The following SLC4A5 variants were observed in gnomAD, a reference collection of about 807,000 sequenced individuals.
The protein encoded by SLC4A5 is electrogenic sodium bicarbonate cotransporter 4.
SLC4A5 carries 96 observed loss-of-function variants against 120.4 expected under a neutral mutation model. That is an observed-to-expected ratio of 0.80 (90% CI 0.68 to 0.94). The LOEUF (loss-of-function observed/expected upper bound fraction) is 0.94. Ranked by LOEUF, SLC4A5 falls within the 40% of genes least tolerant of loss-of-function variation. The pLI is 0.00. For missense variants in SLC4A5, 1,259 were observed against 1,459.5 expected (o/e 0.86, Z 2.24); for synonymous variants, 550 against 571.1 (o/e 0.96, Z 0.53).
chr2:74,225,780 C>T (rs1004129141), intron 27 of SLC4A5, among the ~76,000 whole-genome samples: 3 of 152,298 alleles, frequency 2.0e-5, no homozygotes, highest in South Asian at 2.1e-4. Context: ...CATAGACCCA[C>T]ACATTGAATT....
At chr2:74,233,025 G>A (rs1386654905) in intron 23 of SLC4A5, among the ~76,000 whole-genome samples, 1 of 152,186 alleles carries the variant, frequency 6.6e-6, no homozygotes, top group African/African-American at 2.4e-5. Context: ...GTCTTCTCAG[G>A]CTCACAGGCT....
At position 74,267,524 on chromosome 2, in the gene SLC4A5, T is replaced by C. The variant is rs116304161; in HGVS notation, c.402-2260A>G. 3.7e-3 allele frequency among the ~76,000 whole-genome samples: 570 copies of C among 152,290 alleles called. 4 individuals are homozygous for C. The highest frequency in any genetic ancestry group is 0.01 in the Middle Eastern group (3 of 294). On this transcript the variant is annotated intron_variant, in intron 8 of 30. Coordinates refer to ENST00000394019, the Ensembl canonical transcript of SLC4A5. ...ACAGGACGGACACTACCATCCCATT[T>C]TATAAAAAAGAAAAACACACTTGTG...
chr2:74,325,418 C>G (rs1673195950), intron 5 of SLC4A5, among the ~76,000 whole-genome samples: 1 of 152,204 alleles, frequency 6.6e-6, no homozygotes, highest in African/African-American at 2.4e-5. Flanking sequence ...CTTCTCACAA[C>G]TTGAGAGAAG....
At chr2:74,242,163 C>T (rs558330389) in intron 19 of SLC4A5, 111 bp from the exon 20 acceptor site, 2 of 943,442 alleles carry the variant, frequency 2.1e-6, no homozygotes, top group South Asian at 1.4e-5. Context: ...GCCTGGCTTC[C>T]ATTGTGAGGG....
intron 5 of SLC4A5, among the ~76,000 whole-genome samples, chr2:74,326,061 G>A (rs527382008): frequency 6.6e-6 from 1 of 152,186 alleles, no homozygotes; most frequent in African/African-American, 2.4e-5. Context: ...CCTTCCTGAG[G>A]CCTGGCTGAA....
intron 6 of SLC4A5, among the ~76,000 whole-genome samples, chr2:74,313,698 T>C (rs1672878563): frequency 6.6e-6 from 1 of 152,136 alleles, no homozygotes; most frequent in Non-Finnish European, 1.5e-5. Context: ...GAACTTCCCT[T>C]CCCTATACTG....
chr2:74,296,841 G>A (rs1006825101), intron 7 of SLC4A5, among the ~76,000 whole-genome samples: 6 of 150,942 alleles, frequency 4.0e-5, no homozygotes, highest in South Asian at 2.1e-4. Flanking sequence ...TGTTTGAAAC[G>A]TGGCCTGCCT....
At chr2:74,227,460 T>C in intron 26 of SLC4A5, 2 of 1,571,862 alleles carry the variant, frequency 1.3e-6, no homozygotes, top group East Asian at 4.5e-5. Flanking sequence ...AAAACAAAAA[T>C]GTTTTCTTCT....
At chr2:74,227,957 C>G in intron 25 of SLC4A5, 79 bp from the exon 26 acceptor site, 2 of 1,065,636 alleles carry the variant, frequency 1.9e-6, no homozygotes, top group South Asian at 1.7e-5. Context: ...ACAGTGGCTC[C>G]TGACCACAGA....
In SLC4A5 at chr2:74,252,282, C is replaced by G. The variant is rs1410685433; in HGVS notation, c.1375G>C (p.Gly459Arg). The G allele has an allele frequency of 4.3e-6, 7 of 1,611,948 alleles. No individual in the cohort carries two copies. In the Admixed American group the frequency reaches 8.3e-5, roughly 19 times the overall value. The change falls in exon 16 of 31, where the codon GGC (glycine) becomes CGC (arginine). Residue 459 changes from glycine to arginine, a missense_variant. Coordinates refer to ENST00000394019, the Ensembl canonical transcript of SLC4A5. ...GCCCCGCCACTGCCAGCCCCGCCGC[C>G]ACTGCCACCACCACCACCACCTCCA... is the stretch of plus-strand genomic sequence containing the variant.
At chr2:74,305,710 CCTTTT>C (rs939392230) in intron 6 of SLC4A5, among the ~76,000 whole-genome samples, 1 of 149,192 alleles carries the variant, frequency 6.7e-6, no homozygotes, top group Non-Finnish European at 1.5e-5. Context: ...CCTCCAACTC[CCTTTT>C]CTTTCCTTTT....
intron 4 of SLC4A5, among the ~76,000 whole-genome samples, chr2:74,330,522 G>A (rs972474459): frequency 1.3e-4 from 19 of 151,604 alleles, no homozygotes; most frequent in African/African-American, 4.1e-4. Context: ...TGGAGGTGGT[G>A]AGGTCTAGAT....
At chr2:74,235,720 C>T (rs1670247915) in intron 21 of SLC4A5, among the ~76,000 whole-genome samples, 2 of 152,194 alleles carry the variant, frequency 1.3e-5, no homozygotes, top group Non-Finnish European at 2.9e-5. Context: ...ATTGGCTACA[C>T]TCAGACCTTT....
At chr2:74,284,039 G>A (rs1239855285) in intron 8 of SLC4A5, among the ~76,000 whole-genome samples, 4 of 151,706 alleles carry the variant, frequency 2.6e-5, no homozygotes, top group African/African-American at 9.7e-5. Context: ...GTAGAGACGA[G>A]GTCTTCCTAT....
rs574685882 is a variant in SLC4A5, at chr2:74,223,073, C to T, written c.3247-121G>A. On this transcript the variant is annotated intron_variant, in intron 28 of 30. Transcript: ENST00000394019. ...AGGCTGGAGTGCAGTGGTGCGATCT[C>T]GGCTCACTGTAACCTCTGCCTCCTG... 46 of 577,180 alleles carry T rather than the reference C, an allele frequency of 8.0e-5. 1 individual carries two copies. Among genetic ancestry groups the T allele is most frequent in the South Asian group, 7.6e-4 (38 of 49,916 alleles). The allele number at this position is 577,180 out of a possible 1,614,324, so 35.8% of individuals were successfully genotyped here.
In SLC4A5 at chr2:74,227,893, G is replaced by T; in HGVS notation, c.2848-15C>A. On this transcript the variant is annotated splice_polypyrimidine_tract_variant and intron_variant, in intron 25 of 30. Transcript: ENST00000394019. Reference sequence around the variant, plus strand: ...AGGGGGATACACTAAAATGAGAGCAGAGCTTTGGATCGGCCTCTGCCTGGG... The same window carrying T: ...AGGGGGATACACTAAAATGAGAGCATAGCTTTGGATCGGCCTCTGCCTGGG... 6.3e-7 allele frequency: 1 copy of T among 1,596,170 alleles called. No individual in the cohort carries two copies. The highest frequency in any genetic ancestry group is 1.1e-5 in the South Asian group (1 of 87,924).
chr2:74,316,905 C>T (rs563052251), intron 5 of SLC4A5, among the ~76,000 whole-genome samples: 12 of 152,288 alleles, frequency 7.9e-5, no homozygotes, highest in African/African-American at 2.6e-4. Context: ...TGCACTTGAA[C>T]GCATTTGTGT....
intron 5 of SLC4A5, among the ~76,000 whole-genome samples, chr2:74,326,452 T>C (rs925336543): frequency 1.3e-5 from 2 of 152,202 alleles, no homozygotes; most frequent in African/African-American, 4.8e-5. Flanking sequence ...CAAAAGTCAC[T>C]TTCCATTTCA....
At chr2:74,321,373 A>G (rs1422302219) in intron 5 of SLC4A5, among the ~76,000 whole-genome samples, 2 of 152,192 alleles carry the variant, frequency 1.3e-5, no homozygotes, top group African/African-American at 4.8e-5. Flanking sequence ...GCATTTTCAG[A>G]AGAAAGCCTC....
Sources: gnomAD v4.1 joint callset for allele counts (sites outside exome capture counted in the v4.1 genomes callset) on GRCh38, gnomAD v4.1.1 for gene constraint, MANE v1.5 for transcripts, NCBI Gene and HGNC (gene_info 2026-07-23, HGNC 2026-07-21) for gene names.